DNAH17: variants seen among roughly 807,000 people sequenced by gnomAD.
DNAH17 encodes the protein dynein axonemal heavy chain 17.
Under a neutral mutation model 485.6 loss-of-function variants are expected in DNAH17, and 376 were observed. The ratio of observed to expected loss-of-function variants is 0.77; its 90% confidence interval spans 0.71 to 0.84. DNAH17 has a LOEUF of 0.84. Ranked by LOEUF, DNAH17 falls within the 40% of genes least tolerant of loss-of-function variation. DNAH17 has a pLI of 0.00. For synonymous variants in DNAH17, 3,031 were observed against 2,405.9 expected (o/e 1.26, Z -7.60); for missense variants, 6,370 against 5,839.3 (o/e 1.09, Z -2.96).
intron 31 of DNAH17, among the ~76,000 whole-genome samples, chr17:78,504,638 G>A (rs1416200111): frequency 1.3e-5 from 2 of 151,776 alleles, no homozygotes; most frequent in Non-Finnish European, 2.9e-5. Flanking sequence ...GGTTTCTATT[G>A]CTTGATCAAT....
At chr17:78,464,948 C>G (rs556078168) in intron 56 of DNAH17, among the ~76,000 whole-genome samples, 2 of 152,252 alleles carry the variant, frequency 1.3e-5, no homozygotes, top group African/African-American at 4.8e-5. Context: ...CCTCACTTAT[C>G]GCTCTCCCTC....
At chr17:78,511,982 C>T (rs2090647448) in intron 26 of DNAH17, among the ~76,000 whole-genome samples, 1 of 152,206 alleles carries the variant, frequency 6.6e-6, no homozygotes, top group Non-Finnish European at 1.5e-5. Flanking sequence ...GCCCCTGTGC[C>T]CTCAGGGTGG....
chr17:78,573,376 A>G (rs888974348), intron 2 of DNAH17, among the ~76,000 whole-genome samples: 1 of 152,116 alleles, frequency 6.6e-6, no homozygotes, highest in Non-Finnish European at 1.5e-5. Flanking sequence ...AGGCAGGTAC[A>G]TCACCTGAGG....
At chr17:78,462,525 T>A (rs189160038) in intron 57 of DNAH17, among the ~76,000 whole-genome samples, 25 of 152,164 alleles carry the variant, frequency 1.6e-4, no homozygotes, top group African/African-American at 5.8e-4. Context: ...TATTTACGAA[T>A]GAACAAATGC....
chr17:78,496,586 T>A (rs1013630250), intron 37 of DNAH17: 1 of 151,796 alleles, frequency 6.6e-6, no homozygotes, highest in African/African-American at 2.4e-5. Context: ...CTGGCAACCA[T>A]GTCCTTTTTT....
At chr17:78,504,088 T>G (rs1303998249) in intron 31 of DNAH17, among the ~76,000 whole-genome samples, 1 of 150,984 alleles carries the variant, frequency 6.6e-6, no homozygotes, top group Non-Finnish European at 1.5e-5. Flanking sequence ...TTTTTGGAGA[T>G]GAAGTCTCAC....
At position 78,494,079 on chromosome 17, in the gene DNAH17, T is replaced by C. The variant is rs750033536; in HGVS notation, c.6365A>G (p.His2122Arg). The change falls in exon 41 of 81, where the codon CAC (histidine) becomes CGC (arginine). Residue 2122 changes from histidine to arginine, a missense_variant. Transcript: ENST00000389840. Reference protein sequence around the residue: ...VQLEELLQVRHSVFIVGNAGS... With the variant: ...VQLEELLQVRRSVFIVGNAGS... Reference sequence around the variant, plus strand: ...CGCATTCCCGACGATGAACACGGAGTGGCGGACCTGCAGCAGCTCCTCCAG... The same window carrying C: ...CGCATTCCCGACGATGAACACGGAGCGGCGGACCTGCAGCAGCTCCTCCAG... The C allele has an allele frequency of 1.9e-6, 3 of 1,612,324 alleles. No homozygotes were observed. Among genetic ancestry groups the C allele is most frequent in the Non-Finnish European group, 2.5e-6 (3 of 1,179,678 alleles).
intron 2 of DNAH17, 57 bp from the exon 3 acceptor site, chr17:78,572,951 G>A (rs569210634): frequency 1.7e-5 from 26 of 1,511,560 alleles, no homozygotes; most frequent in African/African-American, 7.2e-5. Flanking sequence ...CTCGGCAACC[G>A]CACAGAGCCA....
intron 56 of DNAH17, among the ~76,000 whole-genome samples, chr17:78,465,903 C>G (rs2088423679): frequency 6.6e-6 from 1 of 152,110 alleles, no homozygotes; most frequent in South Asian, 2.1e-4. Flanking sequence ...AGCCCCTCTG[C>G]CCGGCCACCA....
chr17:78,423,950 C>A lies in DNAH17; in HGVS notation c.13345G>T (p.Ala4449Ser), dbSNP rs1480545950. ...TFNLKTKEKA[A>S]KWILAAVALL... is the part of the protein sequence containing the mutation. The stretch of plus-strand genomic sequence containing the variant: ...GCCACGGCTGCCAGGATCCACTTCG[C>A]TGCCTTCTCTTTGGTCTTCAAGTTA... The change falls in exon 81 of 81, where the codon GCG (alanine) becomes TCG (serine). Residue 4449 changes from alanine to serine, a missense_variant. Transcript: ENST00000389840. 8 of 1,614,018 alleles carry A rather than the reference C, an allele frequency of 5.0e-6. No individual in the cohort carries two copies. The highest frequency in any genetic ancestry group is 6.8e-6 in the Non-Finnish European group (8 of 1,179,884).
intron 77 of DNAH17, among the ~76,000 whole-genome samples, chr17:78,427,634 G>A (rs1241830870): frequency 6.6e-6 from 1 of 152,204 alleles, no homozygotes; most frequent in African/African-American, 2.4e-5. Flanking sequence ...TTACCGGGAA[G>A]TCCTGTACTT....
chr17:78,547,544 A>T (rs2091795791), intron 16 of DNAH17, among the ~76,000 whole-genome samples: 1 of 151,700 alleles, frequency 6.6e-6, no homozygotes, highest in Non-Finnish European at 1.5e-5. Flanking sequence ...TGACCACCAC[A>T]CTCAGGCCTT....
At chr17:78,481,252 G>A (rs576089462) in intron 48 of DNAH17, among the ~76,000 whole-genome samples, 4 of 149,854 alleles carry the variant, frequency 2.7e-5, no homozygotes, top group African/African-American at 4.9e-5. Context: ...ACAGGTGCCC[G>A]CCACCATGCC....
chr17:78,522,166 G>T (rs913924227), intron 25 of DNAH17: 1 of 156,512 alleles, frequency 6.4e-6, no homozygotes, highest in African/African-American at 2.4e-5. Context: ...TGCCGGGCAG[G>T]AGGAAGGTGC....
chr17:78,506,140 ATTTT>A (rs66859821), intron 30 of DNAH17, among the ~76,000 whole-genome samples: 2 of 128,286 alleles, frequency 1.6e-5, no homozygotes, highest in Non-Finnish European at 3.2e-5. Flanking sequence ...CACCTAGTTA[ATTTT>A]TTTTTTTTTT....
At chr17:78,490,609 A>G in intron 44 of DNAH17, 90 bp downstream of exon 44, 2 of 1,485,382 alleles carry the variant, frequency 1.3e-6, no homozygotes, top group African/African-American at 1.4e-5. Flanking sequence ...TGTGACATGA[A>G]TGATGAATGA....
chr17:78,577,148 G>C (rs1459683720), intron 1 of DNAH17, 147 bp downstream of exon 1: 1 of 152,396 alleles, frequency 6.6e-6, no homozygotes, highest in Non-Finnish European at 1.5e-5. Flanking sequence ...GCCATGAACA[G>C]CTCCCGGTGG....
chr17:78,478,853 TACCACTGTCACC>T (rs911721831), intron 51 of DNAH17, 160 bp downstream of exon 51: 6 of 604,924 alleles, frequency 9.9e-6, no homozygotes, highest in African/African-American at 1.9e-5. Context: ...CCACCATCAC[TACCACTGTCACC>T]ACCACCATTA....
rs539841178 is a variant in DNAH17 at position 78,468,833 on chromosome 17, C to A, written c.8562G>T (p.Ser2854=). The A allele has an allele frequency of 5.0e-5, 81 of 1,613,978 alleles. No homozygotes were observed. The South Asian group carries it at 8.6e-4, about 17-fold the overall frequency. ...CCTGGGAGTCTGTCATCAGGAACACCGAGGGAACGTTCTTCACGGCAGCCT... is the reference window on the plus strand; with the variant it reads ...CCTGGGAGTCTGTCATCAGGAACACAGAGGGAACGTTCTTCACGGCAGCCT... ...YIKAAVKNVP[S]VFLMTDSQVA... The change falls in exon 55 of 81, where the codon TCG becomes TCT. Residue 2854 remains serine (S), a synonymous_variant. Coordinates refer to ENST00000389840, the MANE Select transcript of DNAH17 (RefSeq NM_173628.4).
Sources: allele counts gnomAD v4.1 joint callset (sites outside exome capture counted in the v4.1 genomes callset), GRCh38; gene constraint gnomAD v4.1.1; transcripts MANE v1.5; gene names NCBI Gene and HGNC (gene_info 2026-07-23, HGNC 2026-07-21).